Variants in KLHL6 observed in about 807,000 individuals in gnomAD.
KLHL6 encodes kelch like family member 6, also known as kelch-like protein 6.
KLHL6 carries 41 observed loss-of-function variants against 58.6 expected under a neutral mutation model. The observed-to-expected ratio is 0.70, with a 90% CI of 0.55 to 0.91. The LOEUF (loss-of-function observed/expected upper bound fraction) is 0.91. KLHL6 is among the 40% of genes least tolerant of loss of function. The pLI, the probability that KLHL6 is intolerant of heterozygous loss-of-function variation, is 0.00. For missense variants in KLHL6, 714 were observed against 805.6 expected (o/e 0.89, Z 1.38); for synonymous variants, 338 against 322.7 (o/e 1.05, Z -0.51).
At chr3:183,507,010 G>C (rs1380691689) in intron 3 of KLHL6, among the ~76,000 whole-genome samples, 2 of 152,112 alleles carry the variant, frequency 1.3e-5, no homozygotes, top group Non-Finnish European at 2.9e-5. Context: ...CATCCACTTT[G>C]GGGAACCACA....
intron 2 of KLHL6, among the ~76,000 whole-genome samples, chr3:183,512,384 T>C (rs1718214063): frequency 1.3e-5 from 2 of 152,230 alleles, no homozygotes. Context: ...TGAGGTGCAA[T>C]AATAGTTTCA....
chr3:183,509,918 T>G (rs1718133747), intron 2 of KLHL6, among the ~76,000 whole-genome samples: 1 of 152,172 alleles, frequency 6.6e-6, no homozygotes, highest in Admixed American at 6.5e-5. Flanking sequence ...TATGTTTTAT[T>G]TATTTATATA....
At chr3:183,517,541 A>G (rs1711606307) in intron 2 of KLHL6, among the ~76,000 whole-genome samples, 1 of 152,172 alleles carries the variant, frequency 6.6e-6, no homozygotes, top group Non-Finnish European at 1.5e-5. Flanking sequence ...AAAGGAAGGA[A>G]CTAAGACCTG....
At chr3:183,496,069 G>A (rs1287182203) in intron 4 of KLHL6, among the ~76,000 whole-genome samples, 1 of 151,998 alleles carries the variant, frequency 6.6e-6, no homozygotes, top group Non-Finnish European at 1.5e-5. Flanking sequence ...GGGTTAGGAG[G>A]GGTTTTCTAA....
chr3:183,510,125 T>A (rs1431861584), intron 2 of KLHL6, among the ~76,000 whole-genome samples: 1 of 152,190 alleles, frequency 6.6e-6, no homozygotes, highest in Non-Finnish European at 1.5e-5. Flanking sequence ...ACAGATGACA[T>A]GTCTCAAATG....
intron 2 of KLHL6, among the ~76,000 whole-genome samples, chr3:183,526,391 C>T (rs1029760342): frequency 6.6e-6 from 1 of 152,126 alleles, no homozygotes; most frequent in Non-Finnish European, 1.5e-5. Context: ...CTTATGATGC[C>T]GTGAAGCCTG....
chr3:183,549,218 G>T (rs188807928), intron 1 of KLHL6, among the ~76,000 whole-genome samples: 42 of 151,830 alleles, frequency 2.8e-4, no homozygotes, highest in African/African-American at 1.0e-3. Context: ...ATGAGTTAAG[G>T]CCATGTAGGT....
At chr3:183,539,692 G>C (rs1332671885) in intron 1 of KLHL6, among the ~76,000 whole-genome samples, 1 of 150,020 alleles carries the variant, frequency 6.7e-6, no homozygotes, top group East Asian at 2.0e-4. Flanking sequence ...CTGGGTGACA[G>C]TGTGAGACTC....
chr3:183,519,916 A>C (rs1187607813), intron 2 of KLHL6, among the ~76,000 whole-genome samples: 3 of 121,506 alleles, frequency 2.5e-5, no homozygotes, highest in African/African-American at 9.9e-5. Context: ...AAAAAAAAAA[A>C]ACAAGAAAAC....
At chr3:183,551,106 G>A (rs192802810) in intron 1 of KLHL6, among the ~76,000 whole-genome samples, 274 of 140,112 alleles carry the variant, frequency 2.0e-3, no homozygotes, top group African/African-American at 7.1e-3. Context: ...GGGCGACAGA[G>A]CAAGACTCTG....
Position 183,491,347 on chromosome 3 carries a change from A to C in KLHL6, c.*580T>G, listed in dbSNP as rs1427996485. The C allele has an allele frequency of 6.6e-6, 1 of 152,238 alleles. No homozygotes were observed. The highest frequency in any genetic ancestry group is 2.4e-5 in the African/African-American group (1 of 41,436). The allele number at this position is 152,238 out of a possible 1,614,324, so 9.4% of individuals were successfully genotyped here. A position where few individuals can be genotyped will look rare whatever the true frequency, so the allele number is the denominator to read the frequency against. Reference sequence around the variant, plus strand: ...AGGCTGGTCTTGAACTCCTGACCTCAGGTCATCCGCCCGCCTCAGCCTCCC... The same window carrying C: ...AGGCTGGTCTTGAACTCCTGACCTCCGGTCATCCGCCCGCCTCAGCCTCCC... On this transcript the variant is annotated 3_prime_UTR_variant, in exon 7 of 7. Coordinates refer to ENST00000341319, the MANE Select transcript of KLHL6 (RefSeq NM_130446.4).
intron 2 of KLHL6, among the ~76,000 whole-genome samples, chr3:183,512,577 C>T (rs572312386): frequency 2.6e-4 from 39 of 151,994 alleles, no homozygotes; most frequent in African/African-American, 8.2e-4. Flanking sequence ...CCACAGCCTC[C>T]GCCTCCCGGG....
chr3:183,550,965 A>T (rs1020369734), intron 1 of KLHL6, among the ~76,000 whole-genome samples: 3 of 151,864 alleles, frequency 2.0e-5, no homozygotes, highest in African/African-American at 2.4e-5. Context: ...CTAAAAATAA[A>T]AAAAAATTAG....
chr3:183,492,375 T>C lies in KLHL6; in HGVS notation c.1564+119A>G, dbSNP rs1377254397. ...TTGATGGCTCTCCTGAAAGCCAGAG[T>C]GGGTCCTAGGGGCAGTGAGTTGCCA... is the stretch of plus-strand genomic sequence containing the variant. On this transcript the variant is annotated intron_variant, in intron 6 of 6. Transcript: ENST00000341319. The surrounding 1 kb of genome is among the most constrained non-coding windows in gnomAD (Gnocchi z 5.9). The C allele has an allele frequency of 3.8e-6, 5 of 1,303,332 alleles. No individual in the cohort carries two copies. The East Asian group carries it at 1.2e-4, about 32-fold the overall frequency. 80.7% of individuals were successfully genotyped at this position (1,303,332 alleles called of 1,614,324 possible).
At chr3:183,551,661 A>G (rs1364266511) in intron 1 of KLHL6, among the ~76,000 whole-genome samples, 2 of 152,234 alleles carry the variant, frequency 1.3e-5, no homozygotes, top group African/African-American at 4.8e-5. Context: ...ATTTGAAATC[A>G]GTGAATGATG....
At chr3:183,526,439 C>A (rs111284910) in intron 2 of KLHL6, among the ~76,000 whole-genome samples, 3 of 152,294 alleles carry the variant, frequency 2.0e-5, no homozygotes, top group African/African-American at 7.2e-5. Flanking sequence ...GACTTCATAG[C>A]AAGTAACCCA....
At chr3:183,516,565 T>C (rs1300245869) in intron 2 of KLHL6, among the ~76,000 whole-genome samples, 2 of 152,240 alleles carry the variant, frequency 1.3e-5, no homozygotes, top group African/African-American at 2.4e-5. Context: ...CCACAAGAAG[T>C]GTCTGCCTCC....
chr3:183,513,954 A>G (rs1718259449), intron 2 of KLHL6, among the ~76,000 whole-genome samples: 2 of 152,100 alleles, frequency 1.3e-5, no homozygotes, highest in Admixed American at 1.3e-4. Flanking sequence ...CCCACTTATG[A>G]GTGAGAACAT....
intron 2 of KLHL6, among the ~76,000 whole-genome samples, chr3:183,519,895 CAA>C (rs56101517): frequency 0.45 from 36,876 of 82,766 alleles, 5,450 homozygotes; most frequent in Non-Finnish European, 0.52. Context: ...AACCCTGTCT[CAA>C]AAAAAAAAAA....
Sources: gnomAD v4.1 joint callset for allele counts (sites outside exome capture counted in the v4.1 genomes callset) on GRCh38, gnomAD v4.1.1 for gene constraint, Gnocchi (gnomAD v3.1) non-coding constraint, MANE v1.5 for transcripts, NCBI Gene and HGNC (gene_info 2026-07-23, HGNC 2026-07-21) for gene names.